ABCC11: variants seen among roughly 807,000 people sequenced by gnomAD.
ABCC11 encodes ATP-binding cassette sub-family C member 11.
ABCC11 carries 135 observed loss-of-function variants against 149.3 expected under a neutral mutation model. That is an observed-to-expected ratio of 0.90 (90% confidence interval 0.79 to 1.04). The LOEUF is 1.04. Ranked by LOEUF, ABCC11 falls within the 50% of genes least tolerant of loss-of-function variation. The pLI, the probability that ABCC11 is intolerant of heterozygous loss-of-function variation, is 0.00. For synonymous variants in ABCC11, 665 were observed against 671.4 expected (o/e 0.99, Z 0.15); for missense variants, 1,680 against 1,722.1 (o/e 0.98, Z 0.43).
At position 48,203,233 on chromosome 16, in the gene ABCC11, T is replaced by C. The variant is rs143069769; in HGVS notation, c.1873A>G (p.Thr625Ala). Residue 625 changes from threonine (T) to alanine (A), a missense_variant, in exon 14 of 30, where the codon ACA becomes GCA. By Grantham distance (58) the Thr-to-Ala change is moderately conservative. Coordinates refer to ENST00000356608, the MANE Select transcript of ABCC11 (RefSeq NM_001370497.1). ...DLELLPFGDM[T>A]EIGERGLNLS... ...CAGGCTCGCCTCCCTCTCACCTCTG[T>C]CATGTCTCCAAAGGGCAGAAGTTCC... 4 of 1,573,868 alleles carry C rather than the reference T, an allele frequency of 2.5e-6. No homozygotes were observed. The African/African-American group carries it at 4.0e-5, about 16-fold the overall frequency.
chr16:48,234,614 GT>G (rs1970597654), intron 1 of ABCC11, among the ~76,000 whole-genome samples: 1 of 152,186 alleles, frequency 6.6e-6, no homozygotes, highest in Non-Finnish European at 1.5e-5. Flanking sequence ...TGGCTTCCCT[GT>G]GGTATAGATG....
At chr16:48,178,749 G>C in intron 23 of ABCC11, 63 bp from the exon 24 acceptor site, 6 of 1,408,366 alleles carry the variant, frequency 4.3e-6, no homozygotes, top group Non-Finnish European at 6.0e-6. Context: ...GCTCTTCAAC[G>C]CTCCTGATAA....
In ABCC11 at chr16:48,213,464, C is replaced by T. The variant is rs573816365; in HGVS notation, c.1335G>A (p.Lys445=). 3.1e-6 allele frequency: 5 copies of T among 1,612,530 alleles called. No individual in the cohort carries two copies. In the South Asian group the frequency reaches 4.4e-5, roughly 14 times the overall value. Reference sequence around the variant, plus strand: ...CTACCTTGAACCTCATCACTGCAGACTTGGAATTCGTGAGACCTTTGACTG... The same window carrying T: ...CTACCTTGAACCTCATCACTGCAGATTTGGAATTCGTGAGACCTTTGACTG... ...PIAVKGLTNS[K]SAVMRFKKFF... The change falls in exon 10 of 30, where the codon AAG becomes AAA. Residue 445 remains lysine, a synonymous_variant. Transcript: ENST00000356608.
At chr16:48,171,378 T>C (rs1286415479) in intron 26 of ABCC11, among the ~76,000 whole-genome samples, 1 of 152,072 alleles carries the variant, frequency 6.6e-6, no homozygotes, top group Non-Finnish European at 1.5e-5. Context: ...ATTGCAACCA[T>C]CCTCCCACAG....
At chr16:48,199,123 G>T (rs1967709069) in intron 15 of ABCC11, among the ~76,000 whole-genome samples, 1 of 151,454 alleles carries the variant, frequency 6.6e-6, no homozygotes, top group African/African-American at 2.4e-5. Flanking sequence ...GGGAAAAAAT[G>T]AAATTACCAA....
intron 1 of ABCC11, chr16:48,244,481 C>T (rs1398264225): frequency 1.9e-6 from 3 of 1,600,272 alleles, no homozygotes; most frequent in East Asian, 4.5e-5. Context: ...CCATGCGCAC[C>T]AGCGTGGACT....
chr16:48,230,202 G>A (rs1158879629), intron 3 of ABCC11, among the ~76,000 whole-genome samples: 3 of 152,186 alleles, frequency 2.0e-5, no homozygotes, highest in Non-Finnish European at 4.4e-5. Context: ...TTCTTCCCCT[G>A]TGATGTAGCA....
In ABCC11 at chr16:48,231,675, A is replaced by G. The variant is rs79535513; in HGVS notation, c.99+148T>C. On this transcript the variant is annotated intron_variant, in intron 2 of 29. Transcript: ENST00000356608. Reference sequence around the variant, plus strand: ...GACCCTGAGTCAAAAAAAAAAAAAAAAGAGAGAGAGAGAGAGCAAAAAGAG... The same window carrying G: ...GACCCTGAGTCAAAAAAAAAAAAAAGAGAGAGAGAGAGAGAGCAAAAAGAG... 569 of 816,500 alleles carry G rather than the reference A, an allele frequency of 7.0e-4. 1 individual carries two copies. The highest frequency in any genetic ancestry group is 1.7e-3 in the Admixed American group (38 of 22,630). 50.6% of individuals were successfully genotyped at this position (816,500 alleles called of 1,614,324 possible).
intron 22 of ABCC11, among the ~76,000 whole-genome samples, chr16:48,186,280 T>C (rs1374205814): frequency 1.3e-5 from 2 of 152,174 alleles, no homozygotes; most frequent in Admixed American, 1.3e-4. Flanking sequence ...CCTTATCTGA[T>C]TCCCCCAGGC....
intron 1 of ABCC11, among the ~76,000 whole-genome samples, chr16:48,233,651 T>C (rs1394130968): frequency 6.6e-6 from 1 of 152,194 alleles, no homozygotes; most frequent in Non-Finnish European, 1.5e-5. Context: ...TATATTGCTG[T>C]ATGATTTATT....
intron 6 of ABCC11, among the ~76,000 whole-genome samples, chr16:48,222,246 G>A (rs1969793849): frequency 6.6e-6 from 1 of 151,714 alleles, no homozygotes. Context: ...TTTTTGCTTT[G>A]TTTTGTTTTT....
intron 1 of ABCC11, among the ~76,000 whole-genome samples, chr16:48,241,072 T>A (rs146963192): frequency 3.9e-5 from 6 of 152,070 alleles, no homozygotes; most frequent in African/African-American, 1.4e-4. Context: ...GTAGCTGGGA[T>A]TACAGGCACG....
intron 1 of ABCC11, among the ~76,000 whole-genome samples, chr16:48,242,914 G>C (rs1050080444): frequency 6.6e-5 from 10 of 152,050 alleles, no homozygotes; most frequent in East Asian, 1.9e-4. Flanking sequence ...TGGGGAGTGG[G>C]GGGGAAGGGA....
intron 28 of ABCC11, among the ~76,000 whole-genome samples, chr16:48,168,848 C>T (rs1266965436): frequency 2.6e-5 from 4 of 152,078 alleles, no homozygotes. Flanking sequence ...AATGAGAACA[C>T]ATGGACACAG....
At chr16:48,193,768 G>A (rs1211258488) in intron 19 of ABCC11, 111 bp downstream of exon 19, 4 of 869,086 alleles carry the variant, frequency 4.6e-6, no homozygotes, top group Admixed American at 2.5e-5. Flanking sequence ...CTCTGGGCTT[G>A]TCATGTGGGT....
At chr16:48,215,945 G>A (rs950735286) in intron 7 of ABCC11, among the ~76,000 whole-genome samples, 169 bp downstream of exon 7, 1 of 152,162 alleles carries the variant, frequency 6.6e-6, no homozygotes, top group South Asian at 2.1e-4. Flanking sequence ...CTTCTTAACC[G>A]AATGTTGTGG....
chr16:48,184,132 C>A (rs567870246), intron 23 of ABCC11, among the ~76,000 whole-genome samples: 2 of 152,358 alleles, frequency 1.3e-5, no homozygotes, highest in Admixed American at 1.3e-4. Flanking sequence ...CTTCCCTTGT[C>A]TGGGCCTCAG....
rs773706636 is a variant in ABCC11 at position 48,177,098 on chromosome 16, C to T, written c.3364G>A (p.Ala1122Thr). ...CTTGTGCCTTCCATGTGTAAAGGAG[C>T]TTCCGAGACACACATCTTGTTTTTG... is the stretch of plus-strand genomic sequence containing the variant. The part of the protein sequence containing the change: ...LQYMKMCVSE[A>T]PLHMEGTSCP... The change falls in exon 25 of 30, where the codon GCT becomes ACT. Residue 1122 changes from alanine (A) to threonine (T), a missense_variant. Physicochemically the swap from Ala to Thr is moderately conservative, Grantham distance 58. Transcript: ENST00000356608. 4 of 1,612,988 alleles carry T rather than the reference C, an allele frequency of 2.5e-6. No homozygotes were observed. Among genetic ancestry groups the T allele is most frequent in the Non-Finnish European group, 3.4e-6 (4 of 1,179,552 alleles).
At chr16:48,214,826 C>A in intron 9 of ABCC11, 55 bp downstream of exon 9, 1 of 1,604,592 alleles carries the variant, frequency 6.2e-7, no homozygotes, top group Non-Finnish European at 8.5e-7. Flanking sequence ...AAAAAGGACA[C>A]GTGAGAAAAT....
Sources: gnomAD v4.1 joint callset for allele counts (sites outside exome capture counted in the v4.1 genomes callset) on GRCh38, gnomAD v4.1.1 for gene constraint, MANE v1.5 for transcripts, NCBI Gene and HGNC (gene_info 2026-07-23, HGNC 2026-07-21) for gene names.